The following LRP1B variants were observed in gnomAD, a reference collection of about 807,000 sequenced individuals.
LRP1B encodes LDL receptor related protein 1B.
In LRP1B, 217 loss-of-function variants were observed where a neutral mutation model predicts 556.6. The observed-to-expected ratio is 0.39, with a 90% confidence interval of 0.35 to 0.44. The LOEUF is 0.44. LRP1B is among the 20% of genes least tolerant of loss of function. The pLI, the probability that LRP1B is intolerant of heterozygous loss-of-function variation, is 1.00. For synonymous variants in LRP1B, 2,047 were observed against 1,865.8 expected (o/e 1.10, Z -2.50); for missense variants, 5,053 against 5,620.8 (o/e 0.90, Z 3.23).
chr2:140,963,427 G>A (rs1359327184), intron 18 of LRP1B, among the ~76,000 whole-genome samples: 2 of 148,538 alleles, frequency 1.3e-5, no homozygotes, highest in Admixed American at 6.7e-5. Flanking sequence ...GTGTGTGTGT[G>A]CATGTACATG....
chr2:141,133,797 C>T (rs916063095), intron 7 of LRP1B, among the ~76,000 whole-genome samples: 2 of 151,908 alleles, frequency 1.3e-5, no homozygotes, highest in Non-Finnish European at 2.9e-5. Context: ...TGAATAATTT[C>T]ACCAGATCCC....
Position 140,702,446 on chromosome 2 carries a change from C to T in LRP1B, c.6131G>A (p.Gly2044Asp), listed in dbSNP as rs2105430177. ...ACAGACCTCATAGTCGATGGAGATG[C>T]CATTCGGCCATGCTATTCCCATGCT... ...LVSMGIAWPN[G>D]ISIDYEENKL... is the part of the protein sequence containing the mutation. The change falls in exon 38 of 91, where the codon GGC becomes GAC. Residue 2044 changes from glycine (G) to aspartate (D), a missense_variant. Gly to Asp is a moderately conservative substitution (Grantham distance 94). This residue lies in a region of LRP1B where 3,619 missense variants were observed against 3,931.9 expected (regional missense o/e 0.92). Transcript: ENST00000389484. The T allele has an allele frequency of 2.5e-6, 4 of 1,613,514 alleles. No homozygotes were observed. Among genetic ancestry groups the T allele is most frequent in the South Asian group, 1.1e-5 (1 of 91,072 alleles).
chr2:141,178,749 A>G (rs1680854308), intron 7 of LRP1B, among the ~76,000 whole-genome samples: 1 of 152,058 alleles, frequency 6.6e-6, no homozygotes, highest in African/African-American at 2.4e-5. Flanking sequence ...ATGTCAATAT[A>G]TCTTCAGTAT....
intron 32 of LRP1B, among the ~76,000 whole-genome samples, chr2:140,805,049 T>C (rs1690663656): frequency 6.6e-6 from 1 of 152,130 alleles, no homozygotes; most frequent in African/African-American, 2.4e-5. Flanking sequence ...GCTCATTTGG[T>C]TCACATTGAT....
intron 46 of LRP1B, among the ~76,000 whole-genome samples, chr2:140,535,516 T>C (rs1236334841): frequency 6.6e-6 from 1 of 152,144 alleles, no homozygotes; most frequent in African/African-American, 2.4e-5. Flanking sequence ...CTTTCTCTTA[T>C]TCTAACTTTT....
chr2:141,285,034 A>G (rs1219143201), intron 3 of LRP1B, among the ~76,000 whole-genome samples: 1 of 152,118 alleles, frequency 6.6e-6, no homozygotes, highest in East Asian at 1.9e-4. Context: ...CTAAATTCAC[A>G]TATTAGTTTT....
At chr2:141,230,040 T>G (rs1198354630) in intron 5 of LRP1B, among the ~76,000 whole-genome samples, 3 of 152,194 alleles carry the variant, frequency 2.0e-5, no homozygotes, top group Non-Finnish European at 4.4e-5. Flanking sequence ...ATTCTAGGTA[T>G]AAAATAAACT....
intron 2 of LRP1B, among the ~76,000 whole-genome samples, chr2:141,591,683 G>T (rs1190323049): frequency 6.6e-6 from 1 of 151,608 alleles, no homozygotes; most frequent in Non-Finnish European, 1.5e-5. Flanking sequence ...CCTAAATTTA[G>T]TTCTCAATTT....
At chr2:140,716,897 C>A (rs371060417) in intron 35 of LRP1B, 81 bp from the exon 36 acceptor site, 1 of 687,780 alleles carries the variant, frequency 1.5e-6, no homozygotes, top group Non-Finnish European at 2.3e-6. Context: ...CATATTGCAA[C>A]AGTATCTTTT....
chr2:140,747,177 G>T (rs575846800), intron 35 of LRP1B, among the ~76,000 whole-genome samples: 21 of 152,068 alleles, frequency 1.4e-4, no homozygotes, highest in Non-Finnish European at 2.6e-4. Flanking sequence ...GCAATGCTAG[G>T]CAGGAGCAGC....
chr2:142,126,842 C>A (rs1225969560), intron 1 of LRP1B, among the ~76,000 whole-genome samples: 1 of 151,782 alleles, frequency 6.6e-6, no homozygotes, highest in Non-Finnish European at 1.5e-5. Flanking sequence ...TTGTAGAAGA[C>A]CAAGTCCTGT....
intron 3 of LRP1B, among the ~76,000 whole-genome samples, chr2:141,409,167 T>C (rs1240891724): frequency 6.6e-6 from 1 of 152,210 alleles, no homozygotes; most frequent in Non-Finnish European, 1.5e-5. Flanking sequence ...TTAAATGGGA[T>C]AATATTAATA....
At chr2:141,871,230 A>T (rs1036302901) in intron 1 of LRP1B, among the ~76,000 whole-genome samples, 1 of 151,986 alleles carries the variant, frequency 6.6e-6, no homozygotes, top group Admixed American at 6.6e-5. Context: ...CTCCTGTTCC[A>T]TGTGTTTCAA....
chr2:141,065,557 G>T (rs1699458459), intron 7 of LRP1B, among the ~76,000 whole-genome samples: 1 of 151,870 alleles, frequency 6.6e-6, no homozygotes. Flanking sequence ...GATAAGGGTT[G>T]TTTTGAAGAA....
At chr2:140,782,305 AAG>A (rs1391972899) in intron 32 of LRP1B, among the ~76,000 whole-genome samples, 1 of 152,174 alleles carries the variant, frequency 6.6e-6, no homozygotes, top group Non-Finnish European at 1.5e-5. Context: ...TATTTAGAGA[AAG>A]AGTCTTTAAA....
Position 141,064,466 on chromosome 2 carries a change from C to T in LRP1B, c.1014-2193G>A, listed in dbSNP as rs76597483. Among the ~76,000 whole-genome samples, 1,073 of 151,746 alleles carry T rather than the reference C, an allele frequency of 7.1e-3. 10 individuals are homozygous for T. The highest frequency in any genetic ancestry group is 0.025 in the African/African-American group (1,016 of 41,436). On this transcript the variant is annotated intron_variant, in intron 7 of 90. Transcript: ENST00000389484. Reference sequence around the variant, plus strand: ...TCATATTTTTTTCTAAATCATAAAACGGATTGAGATAACTCTCTAAGTTTC... The same window carrying T: ...TCATATTTTTTTCTAAATCATAAAATGGATTGAGATAACTCTCTAAGTTTC...
intron 1 of LRP1B, among the ~76,000 whole-genome samples, chr2:141,815,349 G>C (rs1574392312): frequency 6.6e-6 from 1 of 152,172 alleles, no homozygotes; most frequent in Non-Finnish European, 1.5e-5. Context: ...GAAGCCAGCT[G>C]GGTCGAGTGA....
At chr2:140,846,608 A>C (rs1013400799) in intron 29 of LRP1B, among the ~76,000 whole-genome samples, 1 of 152,080 alleles carries the variant, frequency 6.6e-6, no homozygotes, top group African/African-American at 2.4e-5. Flanking sequence ...AAATAATGGG[A>C]GATGATAGGC....
chr2:140,990,758 A>T (rs1697068731), intron 16 of LRP1B, among the ~76,000 whole-genome samples: 1 of 152,120 alleles, frequency 6.6e-6, no homozygotes, highest in Non-Finnish European at 1.5e-5. Flanking sequence ...CAGAGGCTAA[A>T]TTCCTAACTG....
Sources: allele counts gnomAD v4.1 joint callset (sites outside exome capture counted in the v4.1 genomes callset), GRCh38; gene constraint gnomAD v4.1.1; regional missense constraint gnomAD v4.1.1; transcripts MANE v1.5; gene names NCBI Gene and HGNC (gene_info 2026-07-23, HGNC 2026-07-21).